The following SIRT3 variants were observed in gnomAD, a reference collection of about 807,000 sequenced individuals.
SIRT3 encodes NAD-dependent protein deacetylase sirtuin-3, mitochondrial.
In SIRT3, 26 loss-of-function variants were observed where a neutral mutation model predicts 33.5. That is an observed-to-expected ratio of 0.78 (90% CI 0.57 to 1.08). The LOEUF (loss-of-function observed/expected upper bound fraction) is 1.08, where lower values mean the gene tolerates loss of function less well. Among genes scored for constraint, SIRT3 ranks in the 50% least tolerant of loss-of-function variants. The pLI, the probability that SIRT3 is intolerant of heterozygous loss-of-function variation, is 0.00. For synonymous variants in SIRT3, 237 were observed against 222.1 expected (o/e 1.07, Z -0.60); for missense variants, 585 against 530.1 (o/e 1.10, Z -1.02).
At position 223,197 on chromosome 11, in the gene SIRT3, T is replaced by C. The variant is rs1387257330; in HGVS notation, c.969+881A>G. The C allele has an allele frequency of 1.3e-5, 2 of 157,346 alleles. No individual in the cohort carries two copies. The highest frequency in any genetic ancestry group is 4.8e-5 in the African/African-American group (2 of 41,434). The allele number at this position is 157,346 out of a possible 1,614,324, so 9.7% of individuals were successfully genotyped here. A position where few individuals can be genotyped will look rare whatever the true frequency, so the allele number is the denominator to read the frequency against. Reference sequence around the variant, plus strand: ...TGCTCTCATCACAGCTTTTAGGAATTTCCTGAGCTGCAGACGCAGACGCAG... The same window carrying C: ...TGCTCTCATCACAGCTTTTAGGAATCTCCTGAGCTGCAGACGCAGACGCAG... On this transcript the variant is annotated intron_variant, in intron 5 of 6. Coordinates refer to ENST00000382743, the MANE Select transcript of SIRT3 (RefSeq NM_012239.6). The surrounding 1 kb of genome is among the most constrained non-coding windows in gnomAD (Gnocchi z 4.8).
chr11:230,390 C>T (rs1794095), intron 4 of SIRT3, 62 bp downstream of exon 4: 1 of 952,848 alleles, frequency 1.0e-6, no homozygotes, highest in African/African-American at 1.7e-5. Flanking sequence ...TATAAAATAC[C>T]ACTTTTCCAG....
rs202072152 is a variant in SIRT3 at position 233,419 on chromosome 11, G to C, written c.397C>G (p.Arg133Gly). The change falls in exon 2 of 7, where the codon CGG becomes GGG. Residue 133 changes from arginine (R) to glycine (G), a missense_variant. Coordinates refer to ENST00000382743, the MANE Select transcript of SIRT3 (RefSeq NM_012239.6). ...LSLQDVAELI[R>G]ARACQRVVVM... ...ACCACCCTCTGGCAGGCTCTGGCCCGAATCAGCTCAGCTACATCCTGCAGG... is the reference window on the plus strand; with the variant it reads ...ACCACCCTCTGGCAGGCTCTGGCCCCAATCAGCTCAGCTACATCCTGCAGG... The C allele has an allele frequency of 1.2e-6, 2 of 1,613,828 alleles. No individual in the cohort carries two copies. Among genetic ancestry groups the C allele is most frequent in the South Asian group, 1.1e-5 (1 of 91,056 alleles).
At chr11:216,911 T>C (rs1486572309) in intron 6 of SIRT3, among the ~76,000 whole-genome samples, 193 bp from the exon 7 acceptor site, 2 of 152,234 alleles carry the variant, frequency 1.3e-5, no homozygotes, top group African/African-American at 4.8e-5. Context: ...GGTGGCTAAA[T>C]GGAGAGCCTC....
At position 226,755 on chromosome 11, in the gene SIRT3, TTA is replaced by T. The variant is rs770418857; in HGVS notation, c.808-2518_808-2517del. Among the ~76,000 whole-genome samples, 130 of 63,990 alleles carry T rather than the reference TTA, an allele frequency of 2.0e-3. 1 individual carries two copies. The highest frequency in any genetic ancestry group is 8.7e-3 in the African/African-American group (70 of 8,086). 42.0% of individuals were successfully genotyped at this position (63,990 alleles called of 152,430 possible). On this transcript the variant is annotated intron_variant, in intron 4 of 6. Transcript: ENST00000382743. ...TAAGGAAGGCCTACAATTATTATTA[TTA>T]TTTTTTTTTTTTTGAGATGGAGTTT...
At chr11:234,385 G>A (rs114368645) in intron 1 of SIRT3, among the ~76,000 whole-genome samples, 46 of 144,502 alleles carry the variant, frequency 3.2e-4, no homozygotes, top group African/African-American at 1.1e-3. Flanking sequence ...CCTGCTTTAG[G>A]GCCAGTGGTA....
upstream of SIRT3, chr11:236,440 C>T (rs1859167798): frequency 7.2e-6 from 5 of 692,408 alleles, no homozygotes; most frequent in Non-Finnish European, 8.9e-6. Flanking sequence ...CGCCTACCGC[C>T]CCCGCCCCCG....
chr11:225,296 C>A (rs1469736117), intron 4 of SIRT3, among the ~76,000 whole-genome samples: 1 of 152,114 alleles, frequency 6.6e-6, no homozygotes, highest in Non-Finnish European at 1.5e-5. Flanking sequence ...CCTGTAATCC[C>A]AGCTACTTGG....
chr11:230,711 A>C (rs950046450), intron 3 of SIRT3, 159 bp from the exon 4 acceptor site: 1 of 411,332 alleles, frequency 2.4e-6, no homozygotes, highest in Non-Finnish European at 4.3e-6. Flanking sequence ...TATCACCTAC[A>C]TGCGCCATCA....
At chr11:225,600 G>C (rs969749015) in intron 4 of SIRT3, 4 of 150,184 alleles carry the variant, frequency 2.7e-5, no homozygotes, top group Non-Finnish European at 5.9e-5. Context: ...AAGAAAGAAA[G>C]AAACACTCAA....
rs1302421855 is a variant in SIRT3, at chr11:215,275, T to A, written c.*1423A>T. On this transcript the variant is annotated 3_prime_UTR_variant, in exon 7 of 7. Transcript: ENST00000382743. ...TGTCTCTATTACAAATATGCCCATG[T>A]GCTAGGTGTGGTGGGACACACCTGT... 1.3e-5 allele frequency among the ~76,000 whole-genome samples: 2 copies of A among 152,078 alleles called. No individual in the cohort carries two copies. The highest frequency in any genetic ancestry group is 4.1e-4 in the South Asian group (2 of 4,820).
intron 5 of SIRT3, among the ~76,000 whole-genome samples, chr11:221,315 T>G (rs143296903): frequency 6.6e-6 from 1 of 152,250 alleles, no homozygotes; most frequent in Non-Finnish European, 1.5e-5. Context: ...CTGACTATAC[T>G]GCCCAGGCTG....
chr11:227,901 C>T (rs1240773330), intron 4 of SIRT3, among the ~76,000 whole-genome samples: 4 of 152,188 alleles, frequency 2.6e-5, no homozygotes, highest in Non-Finnish European at 5.9e-5. Context: ...GAATTACAGG[C>T]GTGAGCCACT....
intron 6 of SIRT3, among the ~76,000 whole-genome samples, chr11:217,427 C>T (rs1855810784): frequency 1.3e-5 from 2 of 152,184 alleles, no homozygotes; most frequent in Non-Finnish European, 2.9e-5. Context: ...CCAGCTTGGG[C>T]AACAAGAGTG....
chr11:217,564 C>A (rs561833288), intron 6 of SIRT3, among the ~76,000 whole-genome samples: 1 of 152,230 alleles, frequency 6.6e-6, no homozygotes, highest in South Asian at 2.1e-4. Context: ...CGCCTCTCAG[C>A]GTTTAAGCCT....
intron 1 of SIRT3, among the ~76,000 whole-genome samples, chr11:235,080 G>C (rs1269163636): frequency 6.6e-6 from 1 of 151,090 alleles, no homozygotes; most frequent in African/African-American, 2.4e-5. Flanking sequence ...GTTTCACCAT[G>C]TTGGCCCAGC....
In SIRT3 at chr11:219,323, C is replaced by T. The variant is rs138453570; in HGVS notation, c.970-282G>A. Among the ~76,000 whole-genome samples, 5 of 152,270 alleles carry T rather than the reference C, an allele frequency of 3.3e-5. No individual in the cohort carries two copies. The East Asian group carries it at 7.7e-4, about 24-fold the overall frequency. The stretch of plus-strand genomic sequence containing the variant: ...TCCGTTCCAAGGCTCATCAGGGATC[C>T]AACCTTCCTGCCTCCTCTTTGTGAG... On this transcript the variant is annotated intron_variant, in intron 5 of 6. Transcript: ENST00000382743.
At chr11:226,589 A>G (rs1476601612) in intron 4 of SIRT3, among the ~76,000 whole-genome samples, 1 of 150,514 alleles carries the variant, frequency 6.6e-6, no homozygotes, top group Non-Finnish European at 1.5e-5. Context: ...TTGTATTTTT[A>G]GTAGAGACGG....
rs746455495 is a variant in SIRT3 at position 224,214 on chromosome 11, G to A, written c.833C>T (p.Pro278Leu). The change falls in exon 5 of 7, where the codon CCC becomes CTC. Residue 278 changes from proline (P) to leucine (L), a missense_variant. By Grantham distance (98) the Pro-to-Leu change is moderately conservative (BLOSUM62 -3). Transcript: ENST00000382743. ...IRADVMADRV[P>L]RCPVCTGVVK... ...AACGCCGGTGCAGACCGGGCAGCGG[G>A]GAACCCTGTCTGCCATCACGTCAGC... The A allele has an allele frequency of 3.2e-5, 52 of 1,614,120 alleles. No individual in the cohort carries two copies. Among genetic ancestry groups the A allele is most frequent in the Non-Finnish European group, 4.3e-5 (51 of 1,180,030 alleles).
Position 236,062 on chromosome 11 carries a change from A to T in SIRT3, c.267T>A (p.Ser89Arg), listed in dbSNP as rs762551016. The change falls in exon 1 of 7, where the codon AGT becomes AGA. Residue 89 changes from serine to arginine, a missense_variant. Coordinates refer to ENST00000382743, the MANE Select transcript of SIRT3 (RefSeq NM_012239.6). ...GCCCAAAATACCTCGAAAAGAAGAAACTGGGAGCTGCTGCCCTCGGCTGCC... is the reference window on the plus strand; with the variant it reads ...GCCCAAAATACCTCGAAAAGAAGAATCTGGGAGCTGCTGCCCTCGGCTGCC... ...FRRQPRAAAP[S>R]FFFSSIKGGR... 2 of 1,527,738 alleles carry T rather than the reference A, an allele frequency of 1.3e-6. No individual in the cohort carries two copies. The highest frequency in any genetic ancestry group is 2.5e-5 in the South Asian group (2 of 80,836). The allele number at this position is 1,527,738 out of a possible 1,614,324, so 94.6% of individuals were successfully genotyped here.
Sources: allele counts gnomAD v4.1 joint callset (sites outside exome capture counted in the v4.1 genomes callset), GRCh38; gene constraint gnomAD v4.1.1; non-coding constraint Gnocchi (gnomAD v3.1); transcripts MANE v1.5; gene names NCBI Gene and HGNC (gene_info 2026-07-23, HGNC 2026-07-21).